Variants in RBFOX1 observed in about 807,000 individuals in gnomAD.
RBFOX1 encodes the protein RNA binding protein fox-1 homolog 1.
RBFOX1 carries 8 observed loss-of-function variants against 57.7 expected under a neutral mutation model. That is an observed-to-expected ratio of 0.14 (90% CI 0.08 to 0.25). The LOEUF is 0.25. RBFOX1 is among the 10% of genes least tolerant of loss of function. The pLI, the probability that RBFOX1 is intolerant of heterozygous loss-of-function variation, is 1.00. For synonymous variants in RBFOX1, 326 were observed against 222.4 expected, an observed-to-expected ratio of 1.47 and a Z score of -4.15; for missense variants, 611 against 548.5, an observed-to-expected ratio of 1.11 and a Z score of -1.14.
rs148571606 is a variant in RBFOX1 at position 6,343,138 on chromosome 16, C to A, written c.-64+26081C>A. ...TTGGTCTTTCTTTATTTCTTATACCCCTCTTCCTCTCTGTTCTTTTCACAA... is the reference window on the plus strand; with the variant it reads ...TTGGTCTTTCTTTATTTCTTATACCACTCTTCCTCTCTGTTCTTTTCACAA... On this transcript the variant is annotated intron_variant, in intron 2 of 15. Coordinates refer to ENST00000550418, the MANE Select transcript of RBFOX1 (RefSeq NM_018723.4). Among the ~76,000 whole-genome samples, 189 of 152,208 alleles carry A rather than the reference C, an allele frequency of 1.2e-3. 2 individuals are homozygous for A. The East Asian group carries it at 0.021, about 17-fold the overall frequency.
chr16:7,119,211 A>G (rs1313810508), intron 4 of RBFOX1, among the ~76,000 whole-genome samples: 7 of 152,170 alleles, frequency 4.6e-5, no homozygotes, highest in Admixed American at 3.9e-4. Context: ...GCAATGCTCT[A>G]TTACTGTAGG....
At chr16:7,637,799 G>C (rs1025363435) in intron 11 of RBFOX1, among the ~76,000 whole-genome samples, 8 of 152,004 alleles carry the variant, frequency 5.3e-5, no homozygotes, top group African/African-American at 1.9e-4. Flanking sequence ...CCGGGACTAG[G>C]GTAAGCAAGT....
chr16:6,307,228 A>C (rs1335444644), intron 1 of RBFOX1, among the ~76,000 whole-genome samples: 1 of 152,124 alleles, frequency 6.6e-6, no homozygotes, highest in East Asian at 1.9e-4. Flanking sequence ...TAAAGTGCCT[A>C]GTACATGGTA....
chr16:6,006,610 G>C (rs1424129), intron 4 of RBFOX1, among the ~76,000 whole-genome samples: 4 of 152,186 alleles, frequency 2.6e-5, no homozygotes, highest in East Asian at 3.9e-4. Flanking sequence ...TATTACACCT[G>C]TGTGTCCATA....
intron 2 of RBFOX1, among the ~76,000 whole-genome samples, chr16:6,651,527 C>G (rs1173060149): frequency 6.6e-6 from 1 of 152,118 alleles, no homozygotes; most frequent in African/African-American, 2.4e-5. Context: ...TCATGCCTGT[C>G]CTCTCTTCAT....
intron 1 of RBFOX1, among the ~76,000 whole-genome samples, chr16:6,193,859 C>G (rs1278672366): frequency 2.6e-5 from 4 of 152,106 alleles, no homozygotes; most frequent in African/African-American, 9.7e-5. Flanking sequence ...TGCCGAGTCT[C>G]TGCCTCATTG....
At chr16:6,269,202 G>A (rs376432999) in intron 1 of RBFOX1, among the ~76,000 whole-genome samples, 1 of 152,094 alleles carries the variant, frequency 6.6e-6, no homozygotes, top group East Asian at 1.9e-4. Context: ...AAATTATACT[G>A]TCTGATGTGA....
At chr16:6,944,105 A>G (rs1458763692) in intron 3 of RBFOX1, among the ~76,000 whole-genome samples, 1 of 152,068 alleles carries the variant, frequency 6.6e-6, no homozygotes, top group African/African-American at 2.4e-5. Context: ...TCTACTTAAG[A>G]CCACACCCTG....
intron 1 of RBFOX1, among the ~76,000 whole-genome samples, chr16:6,131,832 C>A: frequency 6.6e-6 from 1 of 152,234 alleles, no homozygotes; most frequent in East Asian, 1.9e-4. Flanking sequence ...GGTGGTAACA[C>A]ATTCTCCTGC....
intron 4 of RBFOX1, among the ~76,000 whole-genome samples, chr16:7,172,693 G>C (rs1385719196): frequency 6.6e-6 from 1 of 152,210 alleles, no homozygotes; most frequent in Non-Finnish European, 1.5e-5. Flanking sequence ...GCAGGAGGCA[G>C]AGGGGGATCT....
At chr16:5,648,893 A>T (rs1395418491) in intron 3 of RBFOX1, among the ~76,000 whole-genome samples, 1 of 151,942 alleles carries the variant, frequency 6.6e-6, no homozygotes, top group Non-Finnish European at 1.5e-5. Context: ...GTGAAACCCC[A>T]TGTCTACTAA....
rs116571515 is a variant in RBFOX1, at chr16:7,327,535, A to G, written c.28-190612A>G. 4.3e-3 allele frequency among the ~76,000 whole-genome samples: 650 copies of G among 152,330 alleles called. 4 individuals are homozygous for G. Among genetic ancestry groups the G allele is most frequent in the African/African-American group, 0.015 (603 of 41,576 alleles). ...TCCAAAAGATAAGAAATGTGATGAT[A>G]GGATCAGGGAAACACTCTGTTTTAT... On this transcript the variant is annotated intron_variant, in intron 4 of 15. Transcript: ENST00000550418.
intron 3 of RBFOX1, among the ~76,000 whole-genome samples, chr16:6,956,894 G>C (rs897019993): frequency 2.6e-5 from 4 of 152,014 alleles, no homozygotes; most frequent in African/African-American, 7.3e-5. Flanking sequence ...TGGCATCTGG[G>C]CTAGTTGTGT....
intron 3 of RBFOX1, among the ~76,000 whole-genome samples, chr16:6,980,460 C>T (rs1042861246): frequency 7.2e-5 from 11 of 152,120 alleles, no homozygotes; most frequent in Admixed American, 5.9e-4. Flanking sequence ...AACTTGTCTT[C>T]TTATGTTGAA....
chr16:7,111,662 A>T (rs552582542), intron 4 of RBFOX1, among the ~76,000 whole-genome samples: 1 of 152,286 alleles, frequency 6.6e-6, no homozygotes, highest in East Asian at 1.9e-4. Context: ...GAAATGGCTC[A>T]TACCTGTGCC....
intron 3 of RBFOX1, among the ~76,000 whole-genome samples, chr16:6,720,375 C>G (rs1185813271): frequency 6.6e-6 from 1 of 152,172 alleles, no homozygotes; most frequent in African/African-American, 2.4e-5. Flanking sequence ...GCCATGCTAC[C>G]TTTACAGACT....
Position 5,724,091 on chromosome 16 carries a change from C to T in RBFOX1, c.318+125130C>T, listed in dbSNP as rs182023861. On this transcript the variant is annotated intron_variant, in intron 3 of 19. Transcript: ENST00000641259. ...CTGCTCACCACTTGAATGCTTCTCACCAATTTTGTGGTGGAGTGACAGATG... is the reference window on the plus strand; with the variant it reads ...CTGCTCACCACTTGAATGCTTCTCATCAATTTTGTGGTGGAGTGACAGATG... 5.3e-5 allele frequency among the ~76,000 whole-genome samples: 8 copies of T among 152,278 alleles called. No homozygotes were observed. The East Asian group carries it at 1.5e-3, about 29-fold the overall frequency.
intron 3 of RBFOX1, among the ~76,000 whole-genome samples, chr16:6,688,827 C>G (rs566723172): frequency 6.6e-6 from 1 of 152,114 alleles, no homozygotes; most frequent in African/African-American, 2.4e-5. Context: ...GTGATGTTCT[C>G]CTCCCTGTGT....
chr16:7,449,075 A>T (rs2098831407), intron 4 of RBFOX1, among the ~76,000 whole-genome samples: 1 of 151,746 alleles, frequency 6.6e-6, no homozygotes, highest in Admixed American at 6.6e-5. Context: ...GATTACAGGC[A>T]TGCACCAGCA....
Sources: allele counts gnomAD v4.1 joint callset (sites outside exome capture counted in the v4.1 genomes callset), GRCh38; gene constraint gnomAD v4.1.1; transcripts MANE v1.5; gene names NCBI Gene and HGNC (gene_info 2026-07-23, HGNC 2026-07-21).